Variants in SNAP91 observed in about 807,000 individuals in gnomAD.
SNAP91 encodes the protein synaptosome associated protein 91.
SNAP91 carries 27 observed loss-of-function variants against 100.3 expected under a neutral mutation model. That is an observed-to-expected ratio of 0.27 (90% confidence interval 0.20 to 0.37). The LOEUF (loss-of-function observed/expected upper bound fraction) is 0.37. Among genes scored for constraint, SNAP91 ranks in the 10% least tolerant of loss-of-function variants. The pLI, the probability that SNAP91 is intolerant of heterozygous loss-of-function variation, is 1.00. For synonymous variants in SNAP91, 404 were observed against 398.6 expected (o/e 1.01, Z -0.16); for missense variants, 986 against 1,123.7 (o/e 0.88, Z 1.75).
At chr6:83,627,788 G>A (rs1452727365) in intron 8 of SNAP91, among the ~76,000 whole-genome samples, 2 of 151,714 alleles carry the variant, frequency 1.3e-5, no homozygotes, top group African/African-American at 2.4e-5. Flanking sequence ...TTATCCTTTC[G>A]AAGAACCAAT....
intron 13 of SNAP91, among the ~76,000 whole-genome samples, chr6:83,606,407 G>A (rs1186194226): frequency 6.6e-6 from 1 of 151,364 alleles, no homozygotes; most frequent in African/African-American, 2.5e-5. Flanking sequence ...AGTTGAGGCT[G>A]TGCTTTTCAA....
intron 9 of SNAP91, among the ~76,000 whole-genome samples, chr6:83,619,910 A>G (rs1489224459): frequency 3.3e-5 from 5 of 152,200 alleles, no homozygotes; most frequent in Non-Finnish European, 4.4e-5. Flanking sequence ...CAATCATAAG[A>G]TCATTCAAAT....
intron 2 of SNAP91, among the ~76,000 whole-genome samples, chr6:83,695,447 C>T (rs2099193016): frequency 6.6e-6 from 1 of 151,974 alleles, no homozygotes; most frequent in Non-Finnish European, 1.5e-5. Context: ...TGTTTGAATA[C>T]ACTATCATTT....
At chr6:83,568,044 A>C (rs1799568663) in intron 26 of SNAP91, among the ~76,000 whole-genome samples, 1 of 151,554 alleles carries the variant, frequency 6.6e-6, no homozygotes, top group South Asian at 2.1e-4. Flanking sequence ...ACACATGCAC[A>C]CGTATGTTTA....
In SNAP91 at chr6:83,553,758, C is replaced by T. The variant is rs1455814263; in HGVS notation, c.*538G>A. The T allele has an allele frequency of 1.3e-5, 2 of 152,050 alleles. No homozygotes were observed. The highest frequency in any genetic ancestry group is 2.9e-5 in the Non-Finnish European group (2 of 68,006). The allele number at this position is 152,050 out of a possible 1,614,324, so 9.4% of individuals were successfully genotyped here. On this transcript the variant is annotated 3_prime_UTR_variant, in exon 30 of 30. Coordinates refer to ENST00000369694, the MANE Select transcript of SNAP91 (RefSeq NM_001242792.2). The stretch of plus-strand genomic sequence containing the variant: ...GTGCCACAAAAATAAACATTTCTCA[C>T]AACAGTTGAAGTTCCTGTGATTGGA...
chr6:83,681,902 G>A (rs1342460862), intron 2 of SNAP91, among the ~76,000 whole-genome samples: 5 of 152,118 alleles, frequency 3.3e-5, no homozygotes, highest in African/African-American at 1.2e-4. Flanking sequence ...GAAACTATGG[G>A]TCACAGAGGA....
At chr6:83,706,718 T>C (rs1031437012) in intron 2 of SNAP91, among the ~76,000 whole-genome samples, 6 of 152,210 alleles carry the variant, frequency 3.9e-5, no homozygotes, top group Non-Finnish European at 7.3e-5. Context: ...ACCCAGAAGA[T>C]GGGCAAAGGA....
intron 22 of SNAP91, among the ~76,000 whole-genome samples, chr6:83,589,645 G>A (rs1409752032): frequency 6.6e-6 from 1 of 152,144 alleles, no homozygotes; most frequent in African/African-American, 2.4e-5. Flanking sequence ...GATCATAGTA[G>A]TCAGGAAAGG....
chr6:83,662,051 G>C (rs1383403544), intron 4 of SNAP91, among the ~76,000 whole-genome samples: 2 of 151,864 alleles, frequency 1.3e-5, no homozygotes. Flanking sequence ...TTTTTTAATT[G>C]AGAAGACATC....
At chr6:83,664,210 C>T (rs982496614) in intron 3 of SNAP91, among the ~76,000 whole-genome samples, 2 of 152,122 alleles carry the variant, frequency 1.3e-5, no homozygotes, top group East Asian at 3.8e-4. Flanking sequence ...TGACTGCTAA[C>T]ACAACATTCA....
Position 83,575,134 on chromosome 6 carries a change from A to G in SNAP91, c.2331-13T>C, listed in dbSNP as rs1234573931. On this transcript the variant is annotated splice_polypyrimidine_tract_variant and intron_variant, in intron 25 of 29. Transcript: ENST00000369694. ...CTGAAGATCTCCCCTAAAATTAACC[A>G]TGCAAAACAAGCAAACAAACAAAAA... 2 of 1,552,568 alleles carry G rather than the reference A, an allele frequency of 1.3e-6. No homozygotes were observed. Among genetic ancestry groups the G allele is most frequent in the African/African-American group, 1.4e-5 (1 of 73,960 alleles).
intron 22 of SNAP91, among the ~76,000 whole-genome samples, chr6:83,584,519 T>C (rs547575213): frequency 6.6e-6 from 1 of 151,654 alleles, no homozygotes; most frequent in Admixed American, 6.6e-5. Context: ...AAAAAAAAAA[T>C]AGTGCCTTCT....
intron 7 of SNAP91, among the ~76,000 whole-genome samples, chr6:83,655,716 A>T (rs1456327220): frequency 2.0e-5 from 3 of 152,214 alleles, no homozygotes; most frequent in Non-Finnish European, 4.4e-5. Context: ...ATCATACTCC[A>T]TTATCAAAAG....
At chr6:83,561,349 A>G (rs1303539628) in intron 26 of SNAP91, among the ~76,000 whole-genome samples, 2 of 152,252 alleles carry the variant, frequency 1.3e-5, no homozygotes, top group African/African-American at 2.4e-5. Flanking sequence ...CAAGCCGAAC[A>G]TAATTTGGTT....
intron 23 of SNAP91, 32 bp downstream of exon 23, chr6:83,582,190 A>C (rs1829438841): frequency 6.2e-7 from 1 of 1,611,038 alleles, no homozygotes; most frequent in African/African-American, 1.3e-5. Flanking sequence ...ACCAGGACAC[A>C]TGAAAAGAAT....
chr6:83,572,203 G>T (rs781243755), intron 26 of SNAP91, among the ~76,000 whole-genome samples: 9 of 152,076 alleles, frequency 5.9e-5, no homozygotes, highest in Non-Finnish European at 1.0e-4. Flanking sequence ...CTGAAAATTT[G>T]TCTTCTTCTC....
intron 8 of SNAP91, among the ~76,000 whole-genome samples, chr6:83,637,991 C>T (rs533422120): frequency 7.2e-5 from 11 of 152,212 alleles, no homozygotes; most frequent in African/African-American, 2.2e-4. Context: ...GCGGGGGCTG[C>T]GCTGTGGATA....
At chr6:83,647,914 C>A (rs1013749680) in intron 7 of SNAP91, among the ~76,000 whole-genome samples, 1 of 152,150 alleles carries the variant, frequency 6.6e-6, no homozygotes, top group African/African-American at 2.4e-5. Context: ...CTTCTTGCTG[C>A]ATCATAACAT....
chr6:83,574,587 TATG>T (rs1186410965), intron 26 of SNAP91, among the ~76,000 whole-genome samples: 3 of 152,182 alleles, frequency 2.0e-5, no homozygotes, highest in East Asian at 3.9e-4. Context: ...GGGCAAGAAA[TATG>T]ATAAGATAGA....
Sources: gnomAD v4.1 joint callset for allele counts (sites outside exome capture counted in the v4.1 genomes callset) on GRCh38, gnomAD v4.1.1 for gene constraint, MANE v1.5 for transcripts, NCBI Gene and HGNC (gene_info 2026-07-23, HGNC 2026-07-21) for gene names.